Variants in OIP5 observed in about 807,000 individuals in gnomAD.
OIP5 encodes the protein protein Mis18-beta.
OIP5 carries 24 observed loss-of-function variants against 20.3 expected under a neutral mutation model. The observed-to-expected ratio is 1.18, with a 90% confidence interval of 0.86 to 1.66. The LOEUF (loss-of-function observed/expected upper bound fraction) is 1.66. Among genes scored for constraint, OIP5 ranks in the 40% most tolerant of loss-of-function variants. The probability of loss-of-function intolerance (pLI) is 0.00; values close to 1 mark genes in which losing one functional copy is unlikely to be tolerated. For synonymous variants in OIP5, 143 were observed against 121.3 expected (o/e 1.18, Z -1.17); for missense variants, 339 against 289.5 (o/e 1.17, Z -1.24).
chr15:41,326,864 GGGCAC>G (rs2047865112), intron 2 of OIP5, among the ~76,000 whole-genome samples: 1 of 152,126 alleles, frequency 6.6e-6, no homozygotes. Context: ...ATTGGATCAT[GGGCAC>G]TGGAGAATAT....
rs1179864656 is a variant in OIP5 at position 41,331,418 on chromosome 15, TA to T, written c.389+496del. Reference sequence around the variant, plus strand: ...AGCGTGGGCAACATACTAAGGCCTCTACAAAAAATTTAAAAATTAGCCGGGA... The same window carrying T: ...AGCGTGGGCAACATACTAAGGCCTCTCAAAAAATTTAAAAATTAGCCGGGA... On this transcript the variant is annotated intron_variant, in intron 2 of 4. Transcript: ENST00000220514. Among the ~76,000 whole-genome samples, 21 of 152,236 alleles carry T rather than the reference TA, an allele frequency of 1.4e-4. No individual in the cohort carries two copies. In the South Asian group the frequency reaches 3.9e-3, roughly 29 times the overall value.
At chr15:41,330,410 T>A (rs1283790038) in intron 2 of OIP5, among the ~76,000 whole-genome samples, 2 of 81,260 alleles carry the variant, frequency 2.5e-5, no homozygotes, top group Non-Finnish European at 5.9e-5. Context: ...GTAATCAGTA[T>A]TTTTTTTTTT....
chr15:41,332,029 A>G, intron 1 of OIP5, 48 bp from the exon 2 acceptor site: 1 of 1,570,892 alleles, frequency 6.4e-7, no homozygotes, highest in Non-Finnish European at 8.8e-7. Context: ...GGGCCTTGAA[A>G]TGGAAAATCT....
At chr15:41,325,099 T>C (rs2047853519) in intron 2 of OIP5, among the ~76,000 whole-genome samples, 1 of 152,150 alleles carries the variant, frequency 6.6e-6, no homozygotes, top group Non-Finnish European at 1.5e-5. Context: ...ACAGACATAA[T>C]GATGAAAAGG....
At chr15:41,329,009 C>T (rs1173364000) in intron 2 of OIP5, among the ~76,000 whole-genome samples, 5 of 133,162 alleles carry the variant, frequency 3.8e-5, no homozygotes, top group Non-Finnish European at 6.1e-5. Flanking sequence ...GAGGTTGCAG[C>T]GAGCCAAGAT....
rs750961300 is a variant in OIP5, at chr15:41,332,507, C to A, written c.55G>T (p.Asp19Tyr). Residue 19 changes from aspartate (D) to tyrosine (Y), a missense_variant, in exon 1 of 5, where the codon GAC becomes TAC. Coordinates refer to ENST00000220514, the MANE Select transcript of OIP5 (RefSeq NM_007280.2). Reference protein sequence around the residue: ...RSRCATPPRGDFCGGTERAID... With the variant: ...RSRCATPPRGYFCGGTERAID... ...GCCCTCTCAGTGCCACCACAAAAGTCCCCCCGGGGCGGCGTTGCACAACGT... is the reference window on the plus strand; with the variant it reads ...GCCCTCTCAGTGCCACCACAAAAGTACCCCCGGGGCGGCGTTGCACAACGT... The A allele has an allele frequency of 8.1e-6, 13 of 1,613,344 alleles. No homozygotes were observed. Among genetic ancestry groups the A allele is most frequent in the South Asian group, 1.1e-5 (1 of 91,064 alleles).
intron 2 of OIP5, among the ~76,000 whole-genome samples, chr15:41,331,315 T>C (rs1014539429): frequency 6.6e-6 from 1 of 152,240 alleles, no homozygotes; most frequent in Non-Finnish European, 1.5e-5. Context: ...CTCCAGTTTC[T>C]GGGGTTACTG....
intron 3 of OIP5, among the ~76,000 whole-genome samples, chr15:41,313,797 A>G (rs1595498836): frequency 6.6e-6 from 1 of 152,150 alleles, no homozygotes; most frequent in Non-Finnish European, 1.5e-5. Context: ...ACACCACTTA[A>G]TATCAGAAAC....
rs1392236553 is a variant in OIP5 at position 41,309,849 on chromosome 15, G to C, written c.595C>G (p.Leu199Val). ...TGCGTTAGCACTATCTTCTCTTTCA[G>C]CTAGGAAGAGAAATATATAGATATC... ...NVPLSEKIAE[L>V]KEKIVLTHNR... is the part of the protein sequence containing the mutation. The change falls in exon 5 of 5, where the codon CTG becomes GTG. Residue 199 changes from leucine (L) to valine (V), a missense_variant and splice_region_variant. Leu to Val is a conservative substitution (Grantham distance 32, BLOSUM62 1). Coordinates refer to ENST00000220514, the MANE Select transcript of OIP5 (RefSeq NM_007280.2). 1 of 1,595,020 alleles carries C rather than the reference G, an allele frequency of 6.3e-7. No individual in the cohort carries two copies. The highest frequency in any genetic ancestry group is 8.6e-7 in the Non-Finnish European group (1 of 1,163,938).
At chr15:41,316,713 C>T (rs1277215837) in intron 3 of OIP5, among the ~76,000 whole-genome samples, 1 of 148,306 alleles carries the variant, frequency 6.7e-6, no homozygotes, top group Non-Finnish European at 1.5e-5. Context: ...TGGTGTGAAC[C>T]CAGGGGGTGA....
intron 2 of OIP5, among the ~76,000 whole-genome samples, chr15:41,326,883 A>G (rs2047865272): frequency 6.6e-6 from 1 of 152,206 alleles, no homozygotes; most frequent in Non-Finnish European, 1.5e-5. Flanking sequence ...AGAATATTAT[A>G]GGAGGAAAAT....
At chr15:41,321,115 CG>C (rs2047821703) in intron 2 of OIP5, among the ~76,000 whole-genome samples, 1 of 134,032 alleles carries the variant, frequency 7.5e-6, no homozygotes, top group Non-Finnish European at 1.7e-5. Flanking sequence ...AAGTGAGGAG[CG>C]TCTCCGCCCG....
intron 2 of OIP5, among the ~76,000 whole-genome samples, chr15:41,328,935 G>A (rs1032204281): frequency 2.0e-5 from 3 of 151,340 alleles, no homozygotes; most frequent in Non-Finnish European, 4.4e-5. Context: ...GCATAGTGGC[G>A]TGCGCCTGGA....
At chr15:41,328,336 A>C (rs7168307) in intron 2 of OIP5, among the ~76,000 whole-genome samples, 1 of 152,018 alleles carries the variant, frequency 6.6e-6, no homozygotes, top group East Asian at 1.9e-4. Context: ...ATTTTAGATG[A>C]AACAAGATTG....
chr15:41,320,786 C>T (rs1265496473), intron 2 of OIP5, among the ~76,000 whole-genome samples: 1 of 151,590 alleles, frequency 6.6e-6, no homozygotes, highest in African/African-American at 2.4e-5. Context: ...GCTGCCCAGT[C>T]TGGAAAGTGA....
At chr15:41,316,191 A>G (rs190688135) in intron 3 of OIP5, among the ~76,000 whole-genome samples, 3 of 152,182 alleles carry the variant, frequency 2.0e-5, no homozygotes, top group African/African-American at 7.2e-5. Context: ...AATGCCTGTA[A>G]TCTTAACATT....
At chr15:41,321,235 G>T (rs1390177067) in intron 2 of OIP5, among the ~76,000 whole-genome samples, 1 of 148,554 alleles carries the variant, frequency 6.7e-6, no homozygotes, top group South Asian at 2.1e-4. Flanking sequence ...CAGCCGCCCC[G>T]TCCGGGAGGG....
chr15:41,313,714 ATTATT>A lies in OIP5; in HGVS notation c.513-365_513-361del, dbSNP rs1399336559. On this transcript the variant is annotated intron_variant, in intron 3 of 4. Coordinates refer to ENST00000220514, the MANE Select transcript of OIP5 (RefSeq NM_007280.2). ...GTTAGCTGTCATAAGTAATCTGGAG[ATTATT>A]TTAAAGTATAAAATATATACTTTTA... Among the ~76,000 whole-genome samples, 6 of 152,270 alleles carry A rather than the reference ATTATT, an allele frequency of 3.9e-5. No individual in the cohort carries two copies. The East Asian group carries it at 7.7e-4, about 20-fold the overall frequency.
intron 4 of OIP5, among the ~76,000 whole-genome samples, chr15:41,311,164 T>G (rs2047751402): frequency 1.3e-5 from 2 of 152,112 alleles, no homozygotes; most frequent in Admixed American, 6.6e-5. Flanking sequence ...GCTCGGAAGT[T>G]CGAGAACAGC....
Sources: gnomAD v4.1 joint callset for allele counts (sites outside exome capture counted in the v4.1 genomes callset) on GRCh38, gnomAD v4.1.1 for gene constraint, MANE v1.5 for transcripts, NCBI Gene and HGNC (gene_info 2026-07-23, HGNC 2026-07-21) for gene names.